TIMM23: variants seen among roughly 807,000 people sequenced by gnomAD.
The protein encoded by TIMM23 is translocase of inner mitochondrial membrane 23.
In TIMM23, 19 loss-of-function variants were observed where a neutral mutation model predicts 30.7. The ratio of observed to expected loss-of-function variants is 0.62; its 90% CI spans 0.43 to 0.91. TIMM23 has a LOEUF of 0.91. Ranked by LOEUF, TIMM23 falls within the 40% of genes least tolerant of loss-of-function variation. The pLI is 0.00. For missense variants in TIMM23, 202 were observed against 269.2 expected (o/e 0.75, Z 1.75); for synonymous variants, 78 against 98.5 (o/e 0.79, Z 1.23).
intron 2 of TIMM23, among the ~76,000 whole-genome samples, chr10:45,980,579 T>TA (rs1837811685): frequency 6.6e-6 from 1 of 152,182 alleles, no homozygotes; most frequent in Non-Finnish European, 1.5e-5. Flanking sequence ...TCCATAGTGT[T>TA]AAACACGCAA....
chr10:45,982,878 C>T lies in TIMM23; in HGVS notation c.292C>T (p.Leu98=). The T allele has an allele frequency of 6.2e-7, 1 of 1,613,750 alleles. No homozygotes were observed. Among genetic ancestry groups the T allele is most frequent in the South Asian group, 1.1e-5 (1 of 91,058 alleles). Residue 98 remains leucine (L), a synonymous_variant, in exon 4 of 7, where the codon CTA becomes TTA. Coordinates refer to ENST00000580018, the MANE Select transcript of TIMM23 (RefSeq NM_006327.4). ...AAFGAMNGLR[L]GLKETQNMAW... ...GTTTGGTGCAATGAATGGTCTTCGG[C>T]TAGGATTGAAGGAAACCCAGAACAT...
At position 45,972,538 on chromosome 10, in the gene TIMM23, G is replaced by C; in HGVS notation, c.-87G>C. Reference sequence around the variant, plus strand: ...GTGAAGTAGGCGCTGGCAACGCGGGGTTACCCGCTGTTATTGAGGAGTAAC... The same window carrying C: ...GTGAAGTAGGCGCTGGCAACGCGGGCTTACCCGCTGTTATTGAGGAGTAAC... On this transcript the variant is annotated 5_prime_UTR_variant, in exon 1 of 7. Transcript: ENST00000580018. 1 of 1,507,528 alleles carries C rather than the reference G, an allele frequency of 6.6e-7. No homozygotes were observed. Among genetic ancestry groups the C allele is most frequent in the Non-Finnish European group, 8.9e-7 (1 of 1,122,630 alleles). The allele number at this position is 1,507,528 out of a possible 1,614,324, so 93.4% of individuals were successfully genotyped here.
At position 45,981,264 on chromosome 10, in the gene TIMM23, C is replaced by T. The variant is rs587735392; in HGVS notation, c.166-1259C>T. 5.8e-5 allele frequency among the ~76,000 whole-genome samples: 5 copies of T among 85,558 alleles called. No individual in the cohort carries two copies. The East Asian group carries it at 9.4e-4, about 16-fold the overall frequency. The allele number at this position is 85,558 out of a possible 152,430, so 56.1% of individuals were successfully genotyped here. On this transcript the variant is annotated intron_variant, in intron 2 of 6. Coordinates refer to ENST00000580018, the MANE Select transcript of TIMM23 (RefSeq NM_006327.4). ...AAGTTTTCTATTCTTAATTAGTAAT[C>T]TGTTTCTGTATTGAAGGATAATTTT...
Position 45,985,407 on chromosome 10 carries a change from A to G in TIMM23, c.369A>G (p.Gln123=). The part of the protein sequence containing the change: ...NVQILNMVTR[Q]GALWANTLGS... ...GGATTTTGAATATGGTGACTAGGCA[A>G]GGGGCACTTTGGGCTAATACTCTAG... Residue 123 remains glutamine, a synonymous_variant, in exon 5 of 7, where the codon CAA becomes CAG. Coordinates refer to ENST00000580018, the MANE Select transcript of TIMM23 (RefSeq NM_006327.4). The G allele has an allele frequency of 2.2e-5, 35 of 1,613,572 alleles. No individual in the cohort carries two copies. Among genetic ancestry groups the G allele is most frequent in the Non-Finnish European group, 3.0e-5 (35 of 1,179,578 alleles).
intron 5 of TIMM23, among the ~76,000 whole-genome samples, chr10:45,988,304 G>C (rs1329118978): frequency 6.6e-6 from 1 of 152,162 alleles, no homozygotes; most frequent in Admixed American, 6.5e-5. Flanking sequence ...TCCTGGGTAT[G>C]GGGTACGATC....
At chr10:45,991,472 C>T (rs1590123987) in intron 6 of TIMM23, among the ~76,000 whole-genome samples, 1 of 152,284 alleles carries the variant, frequency 6.6e-6, no homozygotes, top group African/African-American at 2.4e-5. Flanking sequence ...ATTGGGTCAG[C>T]TGGGCACGGT....
intron 6 of TIMM23, among the ~76,000 whole-genome samples, chr10:45,999,851 A>AG (rs1211443913): frequency 2.6e-5 from 4 of 152,144 alleles, no homozygotes; most frequent in African/African-American, 9.7e-5. Context: ...GGCCACACCC[A>AG]GGGGGGCCAT....
chr10:46,001,142 T>G (rs1469497271), intron 6 of TIMM23, among the ~76,000 whole-genome samples: 2 of 152,222 alleles, frequency 1.3e-5, no homozygotes, highest in African/African-American at 4.8e-5. Context: ...ATGAGGTCGA[T>G]CCTTATTAAA....
chr10:45,998,037 T>C, intron 6 of TIMM23, among the ~76,000 whole-genome samples: 1 of 152,188 alleles, frequency 6.6e-6, no homozygotes, highest in East Asian at 1.9e-4. Flanking sequence ...GCTGTTCCTA[T>C]AGAACAGGAG....
chr10:45,988,767 T>C lies in TIMM23; in HGVS notation c.434T>C (p.Ile145Thr), dbSNP rs1424163031. 2.0e-5 allele frequency: 32 copies of C among 1,613,798 alleles called. No individual in the cohort carries two copies. The highest frequency in any genetic ancestry group is 1.7e-4 in the African/African-American group (13 of 74,930). Residue 145 changes from isoleucine (I) to threonine (T), a missense_variant, in exon 6 of 7, where the codon ATT (isoleucine) becomes ACT (threonine). Physicochemically the swap from Ile to Thr is moderately conservative, Grantham distance 89. Coordinates refer to ENST00000580018, the MANE Select transcript of TIMM23 (RefSeq NM_006327.4). ...CTCTATAGTGCATTTGGTGTCATCA[T>C]TGAGAAAACACGAGGTGCAGAAGAT... is the stretch of plus-strand genomic sequence containing the variant. The part of the protein sequence containing the change: ...ALLYSAFGVI[I>T]EKTRGAEDDL...
chr10:46,001,467 T>C (rs574653751), intron 6 of TIMM23, among the ~76,000 whole-genome samples: 1 of 152,160 alleles, frequency 6.6e-6, no homozygotes, highest in East Asian at 1.9e-4. Context: ...CTATCAGAAG[T>C]CTTCAGACTG....
At position 45,977,375 on chromosome 10, in the gene TIMM23, T is replaced by C. The variant is rs1394039172; in HGVS notation, c.165+1863T>C. Among the ~76,000 whole-genome samples the C allele has an allele frequency of 2.6e-5, 4 of 152,188 alleles. No homozygotes were observed. The East Asian group carries it at 7.7e-4, about 29-fold the overall frequency. Reference sequence around the variant, plus strand: ...TGATAGTAACATAAGAATAAATCCATAGTTAATGAAATACAGAGTCCAGAA... The same window carrying C: ...TGATAGTAACATAAGAATAAATCCACAGTTAATGAAATACAGAGTCCAGAA... On this transcript the variant is annotated intron_variant, in intron 2 of 6. Coordinates refer to ENST00000580018, the MANE Select transcript of TIMM23 (RefSeq NM_006327.4).
intron 2 of TIMM23, among the ~76,000 whole-genome samples, chr10:45,979,595 C>T (rs1266408245): frequency 1.4e-5 from 2 of 144,542 alleles, no homozygotes; most frequent in Admixed American, 1.4e-4. Flanking sequence ...GCATGAGCCA[C>T]CATGCCTGGC....
In TIMM23 at chr10:45,992,847, C is replaced by T. The variant is rs1465899422; in HGVS notation, c.514+4000C>T. Among the ~76,000 whole-genome samples the T allele has an allele frequency of 3.8e-4, 58 of 152,200 alleles. 1 individual carries two copies. Among genetic ancestry groups the T allele is most frequent in the African/African-American group, 1.3e-3 (52 of 41,538 alleles). ...CTGGGATTACAGGCATGAACCACCA[C>T]GCCGGGCCAAGCCAGATTCTTTAAA... On this transcript the variant is annotated intron_variant, in intron 6 of 6. Transcript: ENST00000580018.
chr10:45,987,513 C>T (rs1459133951), intron 5 of TIMM23, among the ~76,000 whole-genome samples: 2 of 151,940 alleles, frequency 1.3e-5, no homozygotes, highest in Admixed American at 1.3e-4. Context: ...CCAGCTTTGT[C>T]AGGGTTTCCC....
In TIMM23 at chr10:45,972,698, G is replaced by T. The variant is rs1554911992; in HGVS notation, c.74G>T (p.Gly25Val). ...LAGFFGAGGA[G>V]YSHADLAGVP... The stretch of plus-strand genomic sequence containing the variant: ...GGCTTTTTCGGAGCCGGCGGAGCAG[G>T]TTACTCGCACGCGGATTTGGCTGGC... Residue 25 changes from glycine (G) to valine (V), a missense_variant, in exon 1 of 7, where the codon GGT becomes GTT. By Grantham distance (109) the Gly-to-Val change is moderately radical. Transcript: ENST00000580018. The T allele has an allele frequency of 6.2e-7, 1 of 1,613,890 alleles. No homozygotes were observed. Among genetic ancestry groups the T allele is most frequent in the African/African-American group, 1.3e-5 (1 of 74,926 alleles).
intron 5 of TIMM23, among the ~76,000 whole-genome samples, chr10:45,987,823 T>C (rs1838040899): frequency 6.6e-6 from 1 of 151,852 alleles, no homozygotes; most frequent in Non-Finnish European, 1.5e-5. Context: ...ATCCCTATGT[T>C]GTTGCCCAAA....
At chr10:45,992,411 G>A (rs1278620147) in intron 6 of TIMM23, 5 of 455,838 alleles carry the variant, frequency 1.1e-5, no homozygotes, top group Non-Finnish European at 2.2e-5. Context: ...GTTTTTGACA[G>A]TTTCTAAACC....
chr10:45,985,481 A>G, intron 5 of TIMM23, 40 bp downstream of exon 5: 1 of 1,607,846 alleles, frequency 6.2e-7, no homozygotes, highest in East Asian at 2.2e-5. Flanking sequence ...TGTTAAAGAA[A>G]GAATGCACAA....
Sources: gnomAD v4.1 joint callset for allele counts (sites outside exome capture counted in the v4.1 genomes callset) on GRCh38, gnomAD v4.1.1 for gene constraint, MANE v1.5 for transcripts, NCBI Gene and HGNC (gene_info 2026-07-23, HGNC 2026-07-21) for gene names.